The following PTPRQ variants were observed in gnomAD, a reference collection of about 807,000 sequenced individuals.
PTPRQ encodes the protein phosphatidylinositol phosphatase PTPRQ.
PTPRQ carries 199 observed loss-of-function variants against 246.0 expected under a neutral mutation model. The observed-to-expected ratio is 0.81, with a 90% CI of 0.72 to 0.91. The LOEUF is 0.91. Among genes scored for constraint, PTPRQ ranks in the 40% least tolerant of loss-of-function variants. The probability of loss-of-function intolerance (pLI) is 0.00; values close to 1 mark genes in which losing one functional copy is unlikely to be tolerated. For missense variants in PTPRQ, 2,624 were observed against 2,528.4 expected (o/e 1.04, Z -0.81); for synonymous variants, 869 against 853.2 (o/e 1.02, Z -0.32).
chr12:80,520,468 C>T (rs1895441746), intron 17 of PTPRQ, among the ~76,000 whole-genome samples: 2 of 151,804 alleles, frequency 1.3e-5, no homozygotes, highest in Admixed American at 6.6e-5. Flanking sequence ...CATTAACTCA[C>T]CATTTAACAT....
At chr12:80,525,489 A>G (rs1565764554) in intron 17 of PTPRQ, among the ~76,000 whole-genome samples, 1 of 152,188 alleles carries the variant, frequency 6.6e-6, no homozygotes, top group Non-Finnish European at 1.5e-5. Context: ...TAGGCCATAT[A>G]CATTGAGTCT....
intron 43 of PTPRQ, among the ~76,000 whole-genome samples, chr12:80,674,279 G>A (rs1002311177): frequency 2.6e-5 from 4 of 152,044 alleles, no homozygotes; most frequent in African/African-American, 9.7e-5. Context: ...TATCAAAGTA[G>A]TTAAACATTT....
intron 17 of PTPRQ, among the ~76,000 whole-genome samples, chr12:80,530,157 A>G (rs1363195529): frequency 6.6e-6 from 1 of 152,016 alleles, no homozygotes; most frequent in Non-Finnish European, 1.5e-5. Flanking sequence ...CTAGTGAATA[A>G]TTTCCTGGAT....
At chr12:80,512,422 A>C (rs1337554499) in intron 17 of PTPRQ, among the ~76,000 whole-genome samples, 1 of 152,184 alleles carries the variant, frequency 6.6e-6, no homozygotes, top group Non-Finnish European at 1.5e-5. Flanking sequence ...TATGAACTCC[A>C]TGTCAATGGG....
At chr12:80,536,811 T>G (rs1368961352) in intron 19 of PTPRQ, among the ~76,000 whole-genome samples, 8 of 152,232 alleles carry the variant, frequency 5.3e-5, no homozygotes, top group African/African-American at 1.9e-4. Flanking sequence ...ATAGAAGATA[T>G]GCAAATTGGA....
At position 80,496,403 on chromosome 12, in the gene PTPRQ, C is replaced by A; in HGVS notation, c.2144C>A (p.Ser715Ter). Residue 715 changes from serine (S) to a stop codon, truncating the protein, a stop_gained, in exon 14 of 45, where the codon TCA (serine) becomes TAA (stop). Transcript: ENST00000644991. LOFTEE classifies it high-confidence loss of function. ...GATACTTTATATATGAAGAACACATCAACAACAGACATAATATTAAGGAAC... is the reference window on the plus strand; with the variant it reads ...GATACTTTATATATGAAGAACACATAAACAACAGACATAATATTAAGGAAC... The part of the protein sequence containing the change: ...NIDTLYMKNT[S>*]TTDIILRNLR... 1 of 1,550,662 alleles carries A rather than the reference C, an allele frequency of 6.4e-7. No individual in the cohort carries two copies. Among genetic ancestry groups the A allele is most frequent in the Non-Finnish European group, 8.7e-7 (1 of 1,146,364 alleles).
chr12:80,573,894 G>A (rs539373031), intron 25 of PTPRQ, among the ~76,000 whole-genome samples: 1 of 151,946 alleles, frequency 6.6e-6, no homozygotes, highest in African/African-American at 2.4e-5. Context: ...TTGCCATAAG[G>A]TTCTATGTAT....
intron 17 of PTPRQ, among the ~76,000 whole-genome samples, chr12:80,530,292 A>G (rs1895806648): frequency 6.6e-6 from 1 of 152,132 alleles, no homozygotes; most frequent in African/African-American, 2.4e-5. Context: ...GTCCTTAAGG[A>G]AGTCACATTG....
At chr12:80,665,624 A>G (rs1403397009) in intron 39 of PTPRQ, among the ~76,000 whole-genome samples, 1 of 152,060 alleles carries the variant, frequency 6.6e-6, no homozygotes, top group Non-Finnish European at 1.5e-5. Flanking sequence ...AGTAAAAATC[A>G]TATGCACACA....
chr12:80,480,505 G>T (rs1214290089), intron 8 of PTPRQ, among the ~76,000 whole-genome samples: 2 of 146,458 alleles, frequency 1.4e-5, no homozygotes, highest in African/African-American at 5.1e-5. Context: ...CTAGCAGAAG[G>T]CAAGAAATAA....
At chr12:80,602,673 C>A (rs1251857886) in intron 26 of PTPRQ, among the ~76,000 whole-genome samples, 1 of 151,750 alleles carries the variant, frequency 6.6e-6, no homozygotes, top group Non-Finnish European at 1.5e-5. Flanking sequence ...CTCTTATAGG[C>A]CCCACCTCTT....
chr12:80,472,884 A>C (rs971891093), intron 8 of PTPRQ, among the ~76,000 whole-genome samples: 1 of 152,198 alleles, frequency 6.6e-6, no homozygotes, highest in Non-Finnish European at 1.5e-5. Context: ...TAAATGTCTT[A>C]ATTTCTATTT....
chr12:80,492,354 C>T (rs1473011070), intron 9 of PTPRQ, among the ~76,000 whole-genome samples: 1 of 151,962 alleles, frequency 6.6e-6, no homozygotes, highest in African/African-American at 2.4e-5. Flanking sequence ...AGAACACATT[C>T]AGATTTCCTT....
intron 8 of PTPRQ, among the ~76,000 whole-genome samples, chr12:80,482,717 A>G (rs1284118850): frequency 6.6e-6 from 1 of 151,594 alleles, no homozygotes; most frequent in Non-Finnish European, 1.5e-5. Flanking sequence ...TGGGCGAAGG[A>G]CATGAACAGA....
intron 39 of PTPRQ, among the ~76,000 whole-genome samples, chr12:80,659,838 T>C (rs1359047452): frequency 6.6e-6 from 1 of 152,064 alleles, no homozygotes; most frequent in Non-Finnish European, 1.5e-5. Flanking sequence ...AGCTGCATGG[T>C]AAGCAGGCTC....
intron 38 of PTPRQ, among the ~76,000 whole-genome samples, chr12:80,653,827 G>A (rs1236488207): frequency 2.6e-5 from 4 of 152,122 alleles, no homozygotes; most frequent in Non-Finnish European, 2.9e-5. Context: ...AAGGAAACAT[G>A]ATATAGGAAG....
chr12:80,539,087 A>G (rs1161111901), intron 19 of PTPRQ, among the ~76,000 whole-genome samples: 1 of 152,070 alleles, frequency 6.6e-6, no homozygotes, highest in African/African-American at 2.4e-5. Flanking sequence ...TATATGTTTT[A>G]TTTTTAAAAT....
At chr12:80,621,749 A>G (rs1304978890) in intron 32 of PTPRQ, among the ~76,000 whole-genome samples, 1 of 152,024 alleles carries the variant, frequency 6.6e-6, no homozygotes, top group Non-Finnish European at 1.5e-5. Flanking sequence ...ACAGATATCA[A>G]ATCATTCCAT....
At chr12:80,452,426 T>C (rs1364792633) in intron 3 of PTPRQ, among the ~76,000 whole-genome samples, 2 of 152,220 alleles carry the variant, frequency 1.3e-5, no homozygotes, top group African/African-American at 4.8e-5. Flanking sequence ...GCTGGTTTAT[T>C]TTGCTCGTTA....
Sources: gnomAD v4.1 joint callset for allele counts (sites outside exome capture counted in the v4.1 genomes callset) on GRCh38, gnomAD v4.1.1 for gene constraint, MANE v1.5 for transcripts, NCBI Gene and HGNC (gene_info 2026-07-23, HGNC 2026-07-21) for gene names.